SPTLC1: variants seen among roughly 807,000 people sequenced by gnomAD.
SPTLC1 encodes serine palmitoyltransferase 1.
Under a neutral mutation model 68.9 loss-of-function variants are expected in SPTLC1, and 55 were observed. The ratio of observed to expected loss-of-function variants is 0.80; its 90% confidence interval spans 0.64 to 1.00. The LOEUF is 1.00. SPTLC1 is among the 50% of genes least tolerant of loss of function. The pLI is 0.00. For missense variants in SPTLC1, 449 were observed against 573.1 expected (o/e 0.78, Z 2.21); for synonymous variants, 197 against 201.6 (o/e 0.98, Z 0.19).
At chr9:92,051,039 T>C (rs1489670354) in intron 8 of SPTLC1, 4 of 985,314 alleles carry the variant, frequency 4.1e-6, no homozygotes, top group Non-Finnish European at 4.8e-6. Context: ...ATCTGTCCAT[T>C]AGCACTGCTT....
At chr9:92,082,654 GT>G (rs1313800688) in intron 3 of SPTLC1, among the ~76,000 whole-genome samples, 1 of 151,980 alleles carries the variant, frequency 6.6e-6, no homozygotes, top group East Asian at 1.9e-4. Context: ...GGACATTTGG[GT>G]TGGTTCCAAG....
At chr9:92,103,821 G>A (rs1305330848) in intron 3 of SPTLC1, among the ~76,000 whole-genome samples, 6 of 152,208 alleles carry the variant, frequency 3.9e-5, no homozygotes, top group Non-Finnish European at 7.4e-5. Context: ...GGACAGGGCC[G>A]TCCAAGACAG....
intron 13 of SPTLC1, among the ~76,000 whole-genome samples, chr9:92,037,226 G>C (rs532349001): frequency 6.6e-6 from 1 of 152,172 alleles, no homozygotes; most frequent in Non-Finnish European, 1.5e-5. Flanking sequence ...CTGTCTAGGC[G>C]GATGAGGCTC....
chr9:92,077,356 C>T (rs540714388), intron 5 of SPTLC1, among the ~76,000 whole-genome samples: 28 of 152,252 alleles, frequency 1.8e-4, no homozygotes, highest in Admixed American at 9.8e-4. Context: ...CCTAGCCGGA[C>T]GGTCAGTTCT....
intron 3 of SPTLC1, among the ~76,000 whole-genome samples, chr9:92,097,964 A>G (rs1335185861): frequency 6.6e-6 from 1 of 152,230 alleles, no homozygotes; most frequent in Non-Finnish European, 1.5e-5. Context: ...CTCTTGTGTC[A>G]ACTCAGTATT....
chr9:92,058,950 A>G (rs1833990699), intron 7 of SPTLC1, among the ~76,000 whole-genome samples: 1 of 152,282 alleles, frequency 6.6e-6, no homozygotes, highest in African/African-American at 2.4e-5. Flanking sequence ...TCTCTCAGAA[A>G]GCTGCTTGGA....
chr9:92,110,944 C>T (rs1297388187), intron 2 of SPTLC1: 1 of 152,194 alleles, frequency 6.6e-6, no homozygotes, highest in Non-Finnish European at 1.5e-5. Flanking sequence ...TATAGCTACT[C>T]ATAGCCTATT....
intron 7 of SPTLC1, among the ~76,000 whole-genome samples, chr9:92,057,736 GA>G (rs1833945551): frequency 6.6e-6 from 1 of 152,102 alleles, no homozygotes; most frequent in Admixed American, 6.6e-5. Flanking sequence ...TTAACGACCA[GA>G]TTATTTATGT....
intron 8 of SPTLC1, among the ~76,000 whole-genome samples, chr9:92,052,690 C>A: frequency 6.6e-6 from 1 of 151,954 alleles, no homozygotes; most frequent in Non-Finnish European, 1.5e-5. Context: ...CCACCACACC[C>A]GGCTAATTTT....
At chr9:92,102,823 A>ATTT in intron 3 of SPTLC1, among the ~76,000 whole-genome samples, 1 of 152,212 alleles carries the variant, frequency 6.6e-6, no homozygotes, top group Non-Finnish European at 1.5e-5. Context: ...AATATCTTTG[A>ATTT]ATATAGATAG....
At chr9:92,035,302 C>A (rs561457393) in intron 13 of SPTLC1, among the ~76,000 whole-genome samples, 1 of 152,200 alleles carries the variant, frequency 6.6e-6, no homozygotes, top group Non-Finnish European at 1.5e-5. Flanking sequence ...ATGACCACCA[C>A]CACCAGTAGA....
intron 3 of SPTLC1, among the ~76,000 whole-genome samples, chr9:92,096,027 G>A (rs1269633652): frequency 1.3e-5 from 2 of 152,208 alleles, no homozygotes; most frequent in Non-Finnish European, 2.9e-5. Context: ...AGTGAAGGCA[G>A]GGGTGCCGTT....
intron 3 of SPTLC1, among the ~76,000 whole-genome samples, chr9:92,091,575 A>C (rs1210192543): frequency 6.6e-6 from 1 of 152,228 alleles, no homozygotes; most frequent in East Asian, 1.9e-4. Flanking sequence ...ACATTAATAA[A>C]TCAAATAACA....
At chr9:92,066,922 G>A (rs921379536) in intron 6 of SPTLC1, among the ~76,000 whole-genome samples, 1 of 152,044 alleles carries the variant, frequency 6.6e-6, no homozygotes, top group African/African-American at 2.4e-5. Flanking sequence ...GGAGCTTGCT[G>A]TGAGCCAAGA....
chr9:92,048,708 A>C (rs180707296), intron 9 of SPTLC1, among the ~76,000 whole-genome samples: 6 of 152,350 alleles, frequency 3.9e-5, no homozygotes, highest in Admixed American at 2.0e-4. Context: ...ACATAATCAC[A>C]AAACTAGTAT....
Position 92,047,681 on chromosome 9 carries a change from T to G in SPTLC1, c.916A>C (p.Asn306His). 2 of 1,613,298 alleles carry G rather than the reference T, an allele frequency of 1.2e-6. No homozygotes were observed. Among genetic ancestry groups the G allele is most frequent in the Non-Finnish European group, 8.5e-7 (1 of 1,179,358 alleles). The change falls in exon 10 of 15, where the codon AAC becomes CAC. Residue 306 changes from asparagine (N) to histidine (H), a missense_variant. Transcript: ENST00000262554. ...NIDDIDLISA[N>H]MENALASIGG... ...ATAGAAGCAAGTGCATTCTCCATGT[T>G]GGCACTGATAAGATCAATATCATCA...
At position 92,031,365 on chromosome 9, in the gene SPTLC1, T is replaced by G. The variant is rs1832961077; in HGVS notation, c.*1100A>C. ...GCACAGGTTATAAAAATCACAATTT[T>G]ATTCTTCTACCTTTAACAAGAGAAG... On this transcript the variant is annotated 3_prime_UTR_variant, in exon 15 of 15. Transcript: ENST00000262554. 1 of 152,594 alleles carries G rather than the reference T, an allele frequency of 6.6e-6. No homozygotes were observed. 9.5% of individuals were successfully genotyped at this position (152,594 alleles called of 1,614,324 possible).
chr9:92,049,847 C>T, intron 9 of SPTLC1, 113 bp downstream of exon 9: 1 of 827,782 alleles, frequency 1.2e-6, no homozygotes, highest in Middle Eastern at 2.2e-4. Context: ...AGTTTCGTGA[C>T]CCTTCAAACT....
intron 6 of SPTLC1, 71 bp from the exon 7 acceptor site, chr9:92,059,379 T>G: frequency 6.5e-7 from 1 of 1,543,268 alleles, no homozygotes; most frequent in Non-Finnish European, 8.9e-7. Context: ...GGAATGCTTG[T>G]TTTTGTAAGC....
Sources: allele counts gnomAD v4.1 joint callset (sites outside exome capture counted in the v4.1 genomes callset), GRCh38; gene constraint gnomAD v4.1.1; transcripts MANE v1.5; gene names NCBI Gene and HGNC (gene_info 2026-07-23, HGNC 2026-07-21).